GPR19: variants seen among roughly 807,000 people sequenced by gnomAD.
GPR19 encodes probable G protein-coupled receptor 19.
Under a neutral mutation model 28.5 loss-of-function variants are expected in GPR19, and 14 were observed. The observed-to-expected ratio is 0.49, with a 90% CI of 0.32 to 0.77. GPR19 has a LOEUF of 0.77. GPR19 is among the 30% of genes least tolerant of loss of function. The pLI is 0.03. For missense variants in GPR19, 409 were observed against 504.1 expected (o/e 0.81, Z 1.81); for synonymous variants, 173 against 184.1 (o/e 0.94, Z 0.49).
At chr12:12,705,947 C>T in the GPR19 span, among the ~76,000 whole-genome samples, 14 of 152,264 alleles carry the variant, frequency 9.2e-5, no homozygotes, top group South Asian at 2.7e-3. Flanking sequence ...CAATATATGG[C>T]ACCATTTTAA....
chr12:12,711,250 C>T, the GPR19 span, among the ~76,000 whole-genome samples: 4 of 148,284 alleles, frequency 2.7e-5, no homozygotes, highest in Non-Finnish European at 4.5e-5. Flanking sequence ...GCTGAGATCA[C>T]GCCATTGCAC....
At chr12:12,670,679 A>C (rs1408736190) in intron 3 of GPR19, among the ~76,000 whole-genome samples, 1 of 152,212 alleles carries the variant, frequency 6.6e-6, no homozygotes, top group East Asian at 1.9e-4. Context: ...CTGCTTCAAA[A>C]ATTAGTCTTT....
chr12:12,703,436 C>G, the GPR19 span: 5 of 984,948 alleles, frequency 5.1e-6, no homozygotes, highest in African/African-American at 7.0e-5. Flanking sequence ...AACTATGGGA[C>G]CTTGAAAGGT....
chr12:12,715,899 G>A, the GPR19 span: 1 of 152,262 alleles, frequency 6.6e-6, no homozygotes, highest in Non-Finnish European at 1.5e-5. Flanking sequence ...CACACAAAGT[G>A]GACAAGATGT....
At chr12:12,703,377 C>T in the GPR19 span, 2 of 985,232 alleles carry the variant, frequency 2.0e-6, no homozygotes, top group Non-Finnish European at 2.4e-6. Flanking sequence ...TGCGTGAGTG[C>T]GTGTTCGTGT....
chr12:12,715,650 C>CA, the GPR19 span: 3 of 152,300 alleles, frequency 2.0e-5, no homozygotes, highest in African/African-American at 7.2e-5. Flanking sequence ...CAATCAAACT[C>CA]AGACAAAACC....
At chr12:12,697,153 T>TAAAAAAAAAAAAAAAAAAAA (rs386375639), upstream of GPR19, among the ~76,000 whole-genome samples, 15 of 48,846 alleles carry the variant, frequency 3.1e-4, 3 homozygotes, top group Non-Finnish European at 4.6e-4. Context: ...TGAAGCGAAG[T>TAAAAAAAAAAAAAAAAAAAA]AAAAAAAAAA....
At chr12:12,697,841 T>A (rs1302662431), upstream of GPR19, among the ~76,000 whole-genome samples, 2 of 152,152 alleles carry the variant, frequency 1.3e-5, no homozygotes, top group Non-Finnish European at 2.9e-5. Context: ...TGTACCAAAA[T>A]GAGAAGTAAC....
rs574325665 is a variant in GPR19 at position 12,663,865 on chromosome 12, CA to C, written c.-22-1396del. Among the ~76,000 whole-genome samples the C allele has an allele frequency of 3.1e-4, 47 of 152,336 alleles. 2 individuals are homozygous for C. In the East Asian group the frequency reaches 9.0e-3, roughly 29 times the overall value. ...GCACAAGGGGATGTGGCTCCAGCAA[CA>C]GGCTTTTCTAGTAGTCACTAGTTTC... is the stretch of plus-strand genomic sequence containing the variant. On this transcript the variant is annotated intron_variant, in intron 3 of 3. Transcript: ENST00000651487.
the GPR19 span, among the ~76,000 whole-genome samples, chr12:12,712,359 C>G: frequency 6.6e-6 from 1 of 152,222 alleles, no homozygotes; most frequent in African/African-American, 2.4e-5. Context: ...AACTCCAGAG[C>G]TCCAACCCAG....
the GPR19 span, among the ~76,000 whole-genome samples, chr12:12,707,412 G>A: frequency 2.0e-5 from 3 of 152,220 alleles, no homozygotes; most frequent in African/African-American, 7.2e-5. Flanking sequence ...CATGACAGCA[G>A]GGACTTTGGC....
intron 3 of GPR19, among the ~76,000 whole-genome samples, chr12:12,667,835 G>C (rs1363007359): frequency 1.3e-5 from 2 of 152,086 alleles, no homozygotes; most frequent in African/African-American, 2.4e-5. Context: ...TAGGTTATGA[G>C]TTCCTTGAGG....
intron 3 of GPR19, among the ~76,000 whole-genome samples, chr12:12,672,347 G>C (rs1002709231): frequency 1.3e-5 from 2 of 152,066 alleles, no homozygotes; most frequent in African/African-American, 4.8e-5. Context: ...GTAGAGTTCC[G>C]TGTATACAGG....
At position 12,661,652 on chromosome 12, in the gene GPR19, A is replaced by G. The variant is rs1945675956; in HGVS notation, c.797T>C (p.Ile266Thr). Residue 266 changes from isoleucine (I) to threonine (T), a missense_variant, in exon 4 of 4, where the codon ATT becomes ACT. Ile to Thr is a moderately conservative substitution (Grantham distance 89). Transcript: ENST00000651487. The surrounding 1 kb of genome is among the most constrained non-coding windows in gnomAD (Gnocchi z 4.2). ...DGRTVRRTMN[I>T]VPRTKVKTIK... Reference sequence around the variant, plus strand: ...AGTTTTCACTTTTGTCCGAGGGACAATGTTCATTGTCCTCCTCACCGTTCG... The same window carrying G: ...AGTTTTCACTTTTGTCCGAGGGACAGTGTTCATTGTCCTCCTCACCGTTCG... 6.2e-7 allele frequency: 1 copy of G among 1,613,968 alleles called. No individual in the cohort carries two copies. The highest frequency in any genetic ancestry group is 8.5e-7 in the Non-Finnish European group (1 of 1,179,812).
upstream of GPR19, among the ~76,000 whole-genome samples, chr12:12,697,774 G>C (rs1426936878): frequency 6.6e-6 from 1 of 152,148 alleles, no homozygotes; most frequent in Non-Finnish European, 1.5e-5. Flanking sequence ...ATTTTCTCAC[G>C]TTCAATATGA....
chr12:12,663,482 G>A (rs1231788446), intron 3 of GPR19, among the ~76,000 whole-genome samples: 2 of 150,026 alleles, frequency 1.3e-5, no homozygotes, highest in Non-Finnish European at 3.0e-5. Context: ...AGCTTATAAA[G>A]CTTACAAATC....
chr12:12,672,870 G>T (rs561028019), intron 3 of GPR19, among the ~76,000 whole-genome samples: 7 of 152,336 alleles, frequency 4.6e-5, no homozygotes, highest in African/African-American at 1.4e-4. Context: ...GGCCAGAGTT[G>T]TGTTCATTGC....
intron 2 of GPR19, among the ~76,000 whole-genome samples, chr12:12,692,861 A>C (rs984983549): frequency 6.6e-6 from 1 of 152,216 alleles, no homozygotes; most frequent in African/African-American, 2.4e-5. Context: ...AAAACCTTTA[A>C]AGACAGAGAC....
chr12:12,667,474 T>C (rs893115371), intron 3 of GPR19, among the ~76,000 whole-genome samples: 3 of 152,024 alleles, frequency 2.0e-5, no homozygotes, highest in East Asian at 3.9e-4. Flanking sequence ...GCGGATCACC[T>C]GAGGTCAGGA....
Sources: allele counts gnomAD v4.1 joint callset (sites outside exome capture counted in the v4.1 genomes callset), GRCh38; gene constraint gnomAD v4.1.1; non-coding constraint Gnocchi (gnomAD v3.1); transcripts MANE v1.5; gene names NCBI Gene and HGNC (gene_info 2026-07-23, HGNC 2026-07-21).